SLC16A5: variants seen among roughly 807,000 people sequenced by gnomAD.
SLC16A5 encodes the protein solute carrier family 16 member 5.
A neutral mutation model predicts 33.2 loss-of-function variants in SLC16A5; 29 were observed. The observed-to-expected ratio is 0.87, with a 90% CI of 0.65 to 1.19. The LOEUF (loss-of-function observed/expected upper bound fraction) is 1.19. Among genes scored for constraint, SLC16A5 ranks in the 50% most tolerant of loss-of-function variants. The pLI is 0.00. For missense variants in SLC16A5, 606 were observed against 678.2 expected (o/e 0.89, Z 1.18); for synonymous variants, 248 against 284.1 (o/e 0.87, Z 1.28).
At chr17:75,102,715 G>C (rs1248536543) in intron 5 of SLC16A5, among the ~76,000 whole-genome samples, 1 of 151,770 alleles carries the variant, frequency 6.6e-6, no homozygotes, top group Non-Finnish European at 1.5e-5. Context: ...GGAAGGCCCA[G>C]TTTCCAAGGG....
Position 75,099,959 on chromosome 17 carries a change from G to A in SLC16A5, c.344-48G>A, listed in dbSNP as rs1205748677. Reference sequence around the variant, plus strand: ...ACTGACCCCACCCCTGGGTGCAGGTGGAAGGCCCCAGTGCGCCTCCAGGCT... The same window carrying A: ...ACTGACCCCACCCCTGGGTGCAGGTAGAAGGCCCCAGTGCGCCTCCAGGCT... On this transcript the variant is annotated intron_variant, in intron 4 of 6. Transcript: ENST00000329783. 5.8e-6 allele frequency: 9 copies of A among 1,543,074 alleles called. No individual in the cohort carries two copies. In the African/African-American group the frequency reaches 1.1e-4, roughly 19 times the overall value.
intron 6 of SLC16A5, chr17:75,104,571 C>T: frequency 4.6e-6 from 3 of 648,578 alleles, no homozygotes; most frequent in Non-Finnish European, 5.7e-6. Context: ...CCTGCCTCTG[C>T]CCCCCAAGTA....
At chr17:75,088,384 G>A (rs1043728370) in intron 1 of SLC16A5, among the ~76,000 whole-genome samples, 4 of 152,212 alleles carry the variant, frequency 2.6e-5, no homozygotes, top group African/African-American at 9.6e-5. Flanking sequence ...TGCGGGGATG[G>A]GCAGGGCGAG....
chr17:75,095,178 T>C (rs1158348681), intron 3 of SLC16A5, among the ~76,000 whole-genome samples: 3 of 152,202 alleles, frequency 2.0e-5, no homozygotes, highest in African/African-American at 4.8e-5. Flanking sequence ...GAGGTGAGGC[T>C]CGGAGAAAGC....
intron 6 of SLC16A5, chr17:75,105,663 A>T (rs528962396): frequency 1.0e-6 from 1 of 985,390 alleles, no homozygotes; most frequent in African/African-American, 1.7e-5. Flanking sequence ...GATAAAACAG[A>T]ATGTGTTTGA....
intron 3 of SLC16A5, 41 bp downstream of exon 3, chr17:75,093,876 G>T (rs760989366): frequency 6.3e-7 from 1 of 1,586,166 alleles, no homozygotes; most frequent in Non-Finnish European, 8.6e-7. Flanking sequence ...AGTCCTAGGG[G>T]TTGCGGGGAA....
At chr17:75,102,835 C>G (rs1190741745) in intron 5 of SLC16A5, among the ~76,000 whole-genome samples, 1 of 151,862 alleles carries the variant, frequency 6.6e-6, no homozygotes, top group Non-Finnish European at 1.5e-5. Flanking sequence ...CAGGTTCAAG[C>G]AATTTTCCTG....
downstream of SLC16A5, among the ~76,000 whole-genome samples, chr17:75,108,505 C>T (rs564213050): frequency 1.3e-4 from 20 of 152,304 alleles, no homozygotes; most frequent in South Asian, 2.5e-3. Context: ...CTGCAGCTGG[C>T]TGGAGTGTGA....
chr17:75,095,332 G>A (rs886790857), intron 3 of SLC16A5, among the ~76,000 whole-genome samples: 5 of 152,150 alleles, frequency 3.3e-5, no homozygotes, highest in Non-Finnish European at 5.9e-5. Context: ...GGCACCCGGC[G>A]GGGAACCTAC....
intron 3 of SLC16A5, among the ~76,000 whole-genome samples, chr17:75,097,774 C>T (rs1283481741): frequency 6.6e-6 from 1 of 152,180 alleles, no homozygotes; most frequent in African/African-American, 2.4e-5. Context: ...TCTTGCTCCA[C>T]CTTTCAGGGA....
chr17:75,097,221 C>T (rs369872307), intron 3 of SLC16A5, among the ~76,000 whole-genome samples: 4 of 152,086 alleles, frequency 2.6e-5, no homozygotes, highest in African/African-American at 9.7e-5. Flanking sequence ...ACTTCCCTGT[C>T]CCTTTAGTTG....
At chr17:75,098,969 G>A (rs1048842525) in intron 4 of SLC16A5, among the ~76,000 whole-genome samples, 2 of 152,182 alleles carry the variant, frequency 1.3e-5, no homozygotes, top group East Asian at 3.9e-4. Context: ...GGGCAGGCAA[G>A]GCATGATTGA....
At chr17:75,102,919 T>C (rs2073818466) in intron 5 of SLC16A5, among the ~76,000 whole-genome samples, 1 of 149,372 alleles carries the variant, frequency 6.7e-6, no homozygotes, top group Non-Finnish European at 1.5e-5. Flanking sequence ...TGAGACAGAG[T>C]CTCGCTCTAT....
rs766092741 is a variant in SLC16A5, at chr17:75,100,555, C to A, written c.892C>A (p.Pro298Thr). ...RPLAGLMAGRPAFASHRKYLF... is the reference protein window; with the variant it reads ...RPLAGLMAGRTAFASHRKYLF... ...CCTAGCCGGGCTGATGGCAGGACGG[C>A]CGGCCTTTGCTAGCCACCGCAAGTA... Residue 298 changes from proline (P) to threonine (T), a missense_variant, in exon 5 of 7, where the codon CCG becomes ACG. Coordinates refer to ENST00000329783, the MANE Select transcript of SLC16A5 (RefSeq NM_004695.4). 1.2e-6 allele frequency: 2 copies of A among 1,614,120 alleles called. No individual in the cohort carries two copies. The highest frequency in any genetic ancestry group is 1.7e-5 in the Admixed American group (1 of 60,008).
At chr17:75,091,223 G>A (rs2073633553) in intron 2 of SLC16A5, among the ~76,000 whole-genome samples, 1 of 151,974 alleles carries the variant, frequency 6.6e-6, no homozygotes, top group Non-Finnish European at 1.5e-5. Context: ...GGGAGGAGAG[G>A]CGAGCTATGG....
chr17:75,107,542 T>C (rs932170654), downstream of SLC16A5, among the ~76,000 whole-genome samples: 2 of 152,062 alleles, frequency 1.3e-5, no homozygotes, highest in African/African-American at 4.8e-5. Flanking sequence ...CGGTGGCTCA[T>C]GCCTGTAATC....
chr17:75,104,031 C>T lies in SLC16A5; in HGVS notation c.1215C>T (p.Leu405=), dbSNP rs759347051. The T allele has an allele frequency of 3.1e-6, 5 of 1,614,234 alleles. No homozygotes were observed. Among genetic ancestry groups the T allele is most frequent in the South Asian group, 1.1e-5 (1 of 91,084 alleles). ...TTTTCTACATGTCCAGCTTCTTCCT[C>T]ATCTCAGCTGCCCTCTTCATGGGTG... ...SYVFYMSSFF[L]ISAALFMGGS... Residue 405 remains leucine (L), a synonymous_variant, in exon 6 of 7, where the codon CTC becomes CTT. Coordinates refer to ENST00000329783, the MANE Select transcript of SLC16A5 (RefSeq NM_004695.4).
chr17:75,110,100 G>A (rs888545928), downstream of SLC16A5: 10 of 592,530 alleles, frequency 1.7e-5, no homozygotes, highest in African/African-American at 1.3e-4. Flanking sequence ...CTGAGACCCC[G>A]TCCCATCTCC....
chr17:75,096,768 G>A (rs1235067824), intron 3 of SLC16A5, among the ~76,000 whole-genome samples: 1 of 150,756 alleles, frequency 6.6e-6, no homozygotes, highest in Non-Finnish European at 1.5e-5. Context: ...CTGACTTCAG[G>A]CGATCCACCT....
Sources: gnomAD v4.1 joint callset for allele counts (sites outside exome capture counted in the v4.1 genomes callset) on GRCh38, gnomAD v4.1.1 for gene constraint, MANE v1.5 for transcripts, NCBI Gene and HGNC (gene_info 2026-07-23, HGNC 2026-07-21) for gene names.